PIWIL2: variants seen among roughly 807,000 people sequenced by gnomAD.
PIWIL2 encodes the protein piwi-like protein 2.
In PIWIL2, 81 loss-of-function variants were observed where a neutral mutation model predicts 116.5. That is an observed-to-expected ratio of 0.70 (90% confidence interval 0.58 to 0.84). The LOEUF is 0.84. PIWIL2 is among the 40% of genes least tolerant of loss of function. The probability of loss-of-function intolerance (pLI) is 0.00; values close to 1 mark genes in which losing one functional copy is unlikely to be tolerated. For synonymous variants in PIWIL2, 489 were observed against 429.5 expected (o/e 1.14, Z -1.71); for missense variants, 1,272 against 1,212.3 (o/e 1.05, Z -0.73).
rs201688054 is a variant in PIWIL2 at position 22,279,383 on chromosome 8, G to T, written c.-4G>T. The T allele has an allele frequency of 1.2e-5, 20 of 1,613,238 alleles. No individual in the cohort carries two copies. The African/African-American group carries it at 2.5e-4, about 20-fold the overall frequency. On this transcript the variant is annotated 5_prime_UTR_variant, in exon 2 of 23. Coordinates refer to ENST00000356766, the MANE Select transcript of PIWIL2 (RefSeq NM_018068.5). ...GATCGACACGTGTTCTCTACAGCCC[G>T]TCCATGGATCCTTTCCGACCATCGT...
At chr8:22,350,651 A>G (rs536661463) in intron 20 of PIWIL2, among the ~76,000 whole-genome samples, 5 of 152,280 alleles carry the variant, frequency 3.3e-5, no homozygotes, top group Admixed American at 2.6e-4. Flanking sequence ...TGTGAAGATG[A>G]ATTACATACT....
intron 20 of PIWIL2, among the ~76,000 whole-genome samples, chr8:22,349,415 G>GTATGTATGTA (rs540224852): frequency 3.7e-5 from 5 of 134,930 alleles, no homozygotes; most frequent in African/African-American, 1.4e-4. Flanking sequence ...ATATATGTGT[G>GTATGTATGTA]TGTGTATATA....
chr8:22,316,961 G>A (rs940862541), intron 19 of PIWIL2, among the ~76,000 whole-genome samples: 2 of 151,926 alleles, frequency 1.3e-5, no homozygotes, highest in Admixed American at 1.3e-4. Context: ...GCTAATTTTT[G>A]TAGAGACAGG....
intron 11 of PIWIL2, 126 bp from the exon 12 acceptor site, chr8:22,304,658 G>A: frequency 1.7e-6 from 1 of 572,894 alleles, no homozygotes; most frequent in Non-Finnish European, 3.2e-6. Flanking sequence ...TCGGTTTGCA[G>A]TGGCTCCTTG....
intron 14 of PIWIL2, 82 bp from the exon 15 acceptor site, chr8:22,309,879 C>T: frequency 1.3e-6 from 1 of 762,862 alleles, no homozygotes; most frequent in Non-Finnish European, 2.3e-6. Context: ...TGGAGCTGAG[C>T]AGGCCTTATA....
chr8:22,347,701 A>G (rs970208660), intron 20 of PIWIL2, among the ~76,000 whole-genome samples: 5 of 149,508 alleles, frequency 3.3e-5, no homozygotes, highest in African/African-American at 1.2e-4. Flanking sequence ...TAATTTTTGT[A>G]TTTTTAGTAG....
At position 22,308,026 on chromosome 8, in the gene PIWIL2, A is replaced by G. The variant is rs191519431; in HGVS notation, c.1639A>G (p.Asn547Asp). The G allele has an allele frequency of 4.3e-6, 7 of 1,614,078 alleles. No homozygotes were observed. In the East Asian group the frequency reaches 1.6e-4, roughly 36 times the overall value. ...QRIAKNEAATNELMRWGLRLQ... is the reference protein window; with the variant it reads ...QRIAKNEAATDELMRWGLRLQ... The stretch of plus-strand genomic sequence containing the variant: ...AATTGCAAAGAACGAGGCAGCCACC[A>G]ATGAACTGATGCGTTGGGGGCTCCG... The change falls in exon 14 of 23, where the codon AAT becomes GAT. Residue 547 changes from asparagine to aspartate, a missense_variant. Coordinates refer to ENST00000356766, the MANE Select transcript of PIWIL2 (RefSeq NM_018068.5).
chr8:22,305,172 C>CATTT (rs10669583), intron 12 of PIWIL2, among the ~76,000 whole-genome samples: 18,301 of 143,786 alleles, frequency 0.13, 1,269 homozygotes, highest in African/African-American at 0.18. Flanking sequence ...TATAGATATT[C>CATTT]ATTTATTTAT....
At chr8:22,328,385 TC>T (rs1831776234) in intron 20 of PIWIL2, among the ~76,000 whole-genome samples, 1 of 152,204 alleles carries the variant, frequency 6.6e-6, no homozygotes. Context: ...ACTTTATTTT[TC>T]TTTTTCAGTA....
intron 8 of PIWIL2, among the ~76,000 whole-genome samples, 160 bp downstream of exon 8, chr8:22,288,826 A>C (rs1388647511): frequency 6.6e-6 from 1 of 152,238 alleles, no homozygotes; most frequent in Non-Finnish European, 1.5e-5. Context: ...ACTTACTCAA[A>C]AATTATCTCA....
chr8:22,312,561 C>T (rs1447536316), intron 16 of PIWIL2, among the ~76,000 whole-genome samples: 1 of 152,132 alleles, frequency 6.6e-6, no homozygotes, highest in East Asian at 1.9e-4. Flanking sequence ...TCACCATGCC[C>T]AGCAGCATTC....
intron 20 of PIWIL2, among the ~76,000 whole-genome samples, chr8:22,334,332 A>C (rs1055389250): frequency 2.0e-5 from 3 of 151,490 alleles, no homozygotes; most frequent in African/African-American, 7.3e-5. Flanking sequence ...CAGGTGGCTC[A>C]CACCTATAGT....
At chr8:22,347,292 G>A (rs1437546641) in intron 20 of PIWIL2, among the ~76,000 whole-genome samples, 2 of 149,622 alleles carry the variant, frequency 1.3e-5, no homozygotes, top group Non-Finnish European at 3.0e-5. Context: ...GGCTCACTGT[G>A]CAAGCTCCCC....
chr8:22,312,546 G>A (rs1385444207), intron 16 of PIWIL2, among the ~76,000 whole-genome samples: 1 of 152,110 alleles, frequency 6.6e-6, no homozygotes, highest in Non-Finnish European at 1.5e-5. Flanking sequence ...GATTACAGGC[G>A]TGAGTCACCA....
chr8:22,356,153 G>C lies in PIWIL2; in HGVS notation c.*648G>C, dbSNP rs896524063. ...TACTTCTAAGCTGTGCCAACTAAGT[G>C]GTTCCCATTTCTGGAGCCAGAGATG... On this transcript the variant is annotated 3_prime_UTR_variant, in exon 23 of 23. Transcript: ENST00000356766. The C allele has an allele frequency of 3.3e-5, 5 of 151,918 alleles. No homozygotes were observed. The highest frequency in any genetic ancestry group is 1.2e-4 in the African/African-American group (5 of 41,340). 9.4% of individuals were successfully genotyped at this position (151,918 alleles called of 1,614,324 possible).
intron 10 of PIWIL2, among the ~76,000 whole-genome samples, chr8:22,301,369 G>C (rs566687867): frequency 6.6e-6 from 1 of 152,068 alleles, no homozygotes; most frequent in East Asian, 1.9e-4. Context: ...CGCCATCTCA[G>C]CTCACGGTAG....
intron 17 of PIWIL2, 22 bp from the exon 18 acceptor site, chr8:22,315,007 C>T (rs773054824): frequency 2.2e-6 from 3 of 1,381,978 alleles, no homozygotes; most frequent in Admixed American, 3.4e-5. Context: ...TCTCCTGACA[C>T]CTTTTGGTCC....
At chr8:22,276,595 C>T (rs1029233186) in intron 1 of PIWIL2, among the ~76,000 whole-genome samples, 9 of 152,012 alleles carry the variant, frequency 5.9e-5, no homozygotes, top group Non-Finnish European at 7.4e-5. Context: ...ATTACAGGCG[C>T]GAGCCACCAC....
At chr8:22,333,667 G>T (rs987699467) in intron 20 of PIWIL2, among the ~76,000 whole-genome samples, 3 of 152,006 alleles carry the variant, frequency 2.0e-5, no homozygotes, top group Non-Finnish European at 2.9e-5. Flanking sequence ...TTCAGAACAC[G>T]AACATCTATA....
Sources: allele counts gnomAD v4.1 joint callset (sites outside exome capture counted in the v4.1 genomes callset), GRCh38; gene constraint gnomAD v4.1.1; transcripts MANE v1.5; gene names NCBI Gene and HGNC (gene_info 2026-07-23, HGNC 2026-07-21).